QDPR: variants seen among roughly 807,000 people sequenced by gnomAD.
The protein encoded by QDPR is dihydropteridine reductase.
A neutral mutation model predicts 31.7 loss-of-function variants in QDPR; 23 were observed. That is an observed-to-expected ratio of 0.73 (90% CI 0.52 to 1.03). The LOEUF is 1.03. Ranked by LOEUF, QDPR falls within the 50% of genes least tolerant of loss-of-function variation. The probability of loss-of-function intolerance (pLI) is 0.00; values close to 1 mark genes in which losing one functional copy is unlikely to be tolerated. For missense variants in QDPR, 324 were observed against 323.8 expected (o/e 1.00, Z 0.00); for synonymous variants, 124 against 124.7 (o/e 0.99, Z 0.03).
chr4:17,511,838 CAG>C, intron 1 of QDPR, 110 bp downstream of exon 1: 4 of 1,066,014 alleles, frequency 3.8e-6, no homozygotes, highest in Non-Finnish European at 5.5e-6. Context: ...CAACACGAGT[CAG>C]GGGGTGCACA....
At chr4:17,510,205 C>G (rs926685703) in intron 1 of QDPR, among the ~76,000 whole-genome samples, 1 of 152,208 alleles carries the variant, frequency 6.6e-6, no homozygotes, top group Non-Finnish European at 1.5e-5. Context: ...GGATCCCTGT[C>G]CTGCAGCAGA....
At position 17,509,084 on chromosome 4, in the gene QDPR, G is replaced by A. The variant is rs34311884; in HGVS notation, c.198+187C>T. The stretch of plus-strand genomic sequence containing the variant: ...GAGGCAGGAGAATTGCTTCAACCCA[G>A]GAGGCAAAGGTTGCAGTGAACGGAG... On this transcript the variant is annotated intron_variant, in intron 2 of 6. Coordinates refer to ENST00000281243, the MANE Select transcript of QDPR (RefSeq NM_000320.3). 0.12 allele frequency among the ~76,000 whole-genome samples: 18,636 copies of A among 152,118 alleles called. 1,268 individuals are homozygous for A. The highest frequency in any genetic ancestry group is 0.16 in the African/African-American group (6,573 of 41,474).
intron 4 of QDPR, among the ~76,000 whole-genome samples, chr4:17,495,058 GGGT>G (rs1214587292): frequency 6.6e-6 from 1 of 152,144 alleles, no homozygotes; most frequent in African/African-American, 2.4e-5. Flanking sequence ...GGCAGGGAGG[GGGT>G]GATGCTTCTC....
Position 17,511,971 on chromosome 4 carries a change from C to G in QDPR, c.84G>C (p.Gln28His). Residue 28 changes from glutamine (Q) to histidine (H), a missense_variant, in exon 1 of 7, where the codon CAG (glutamine) becomes CAC (histidine). By Grantham distance (24) the Gln-to-His change is conservative. Coordinates refer to ENST00000281243, the MANE Select transcript of QDPR (RefSeq NM_000320.3). ...GRGALGSRCV[Q>H]AFRARNWWVA... ...TTACCCAGTTGCGGGCCCGAAAAGC[C>G]TGCACGCATCGAGAACCCAGAGCGC... is the stretch of plus-strand genomic sequence containing the variant. 1 of 1,611,322 alleles carries G rather than the reference C, an allele frequency of 6.2e-7. No homozygotes were observed. Among genetic ancestry groups the G allele is most frequent in the Non-Finnish European group, 8.5e-7 (1 of 1,179,332 alleles).
intron 4 of QDPR, among the ~76,000 whole-genome samples, chr4:17,497,998 G>C (rs1483240964): frequency 2.0e-5 from 3 of 152,182 alleles, no homozygotes; most frequent in Non-Finnish European, 4.4e-5. Context: ...GGCAGGAATG[G>C]AGTCTTTCCT....
chr4:17,492,246 G>C lies in QDPR; in HGVS notation c.531C>G (p.Ala177=). 1 of 1,613,954 alleles carries C rather than the reference G, an allele frequency of 6.2e-7. No homozygotes were observed. The highest frequency in any genetic ancestry group is 8.5e-7 in the Non-Finnish European group (1 of 1,179,950). The change falls in exon 5 of 7, where the codon GCC becomes GCG. Residue 177 remains alanine (A), a synonymous_variant. Coordinates refer to ENST00000281243, the MANE Select transcript of QDPR (RefSeq NM_000320.3). The stretch of plus-strand genomic sequence containing the variant: ...CAAGCACTTACGGGAGCACAGCGAT[G>C]GCGGCTGCCCCGGGCGGCATGCCGC... ...KNSGMPPGAA[A]IAVLPVTLDT... is the part of the protein sequence containing the mutation.
At chr4:17,492,051 G>A (rs762921225) in intron 5 of QDPR, among the ~76,000 whole-genome samples, 181 bp downstream of exon 5, 1 of 152,200 alleles carries the variant, frequency 6.6e-6, no homozygotes, top group Non-Finnish European at 1.5e-5. Context: ...CCAGTCTAAG[G>A]TATTTTGTTA....
rs916760350 is a variant in QDPR at position 17,500,046 on chromosome 4, C to T, written c.436+1673G>A. On this transcript the variant is annotated intron_variant, in intron 4 of 6. Coordinates refer to ENST00000281243, the MANE Select transcript of QDPR (RefSeq NM_000320.3). The stretch of plus-strand genomic sequence containing the variant: ...TTGCCCAGGCTGGAGTGCAGTGGCG[C>T]GATCTCGGCTCACTGCAAGCTCCAC... 3.3e-5 allele frequency among the ~76,000 whole-genome samples: 5 copies of T among 151,694 alleles called. No homozygotes were observed. In the South Asian group the frequency reaches 6.2e-4, roughly 19 times the overall value.
chr4:17,512,041 G>A lies in QDPR; in HGVS notation c.14C>T (p.Ala5Val). Residue 5 changes from alanine (A) to valine (V), a missense_variant, in exon 1 of 7, where the codon GCG (alanine) becomes GTG (valine). By Grantham distance (64) the Ala-to-Val change is moderately conservative. Coordinates refer to ENST00000281243, the MANE Select transcript of QDPR (RefSeq NM_000320.3). ...CACCCGGCGCGCCTCGCCTGCAGCC[G>A]CCGCCGCCGCCATCCTGCTCCTGCC... The part of the protein sequence containing the change: MAAA[A>V]AAGEARRVLV... The A allele has an allele frequency of 6.2e-7, 1 of 1,601,022 alleles. No individual in the cohort carries two copies. The highest frequency in any genetic ancestry group is 8.5e-7 in the Non-Finnish European group (1 of 1,175,278).
intron 2 of QDPR, among the ~76,000 whole-genome samples, chr4:17,508,441 C>CA (rs1718866830): frequency 6.6e-6 from 1 of 151,886 alleles, no homozygotes; most frequent in African/African-American, 2.4e-5. Flanking sequence ...TCTCTTAAAA[C>CA]AAAAAACAAT....
rs747311750 is a variant in QDPR, at chr4:17,496,442, C to CAAAAAAAAAAAAAAAAAA, written c.437-4120_437-4103dup. ...CTGGGCAATAAGGGCAAAACTGTCTCAAAAAAAAAAAAAAAAAAAAAAAAA... is the reference window on the plus strand; with the variant it reads ...CTGGGCAATAAGGGCAAAACTGTCTCAAAAAAAAAAAAAAAAAAAAAAAAAAAAAAAAAAAAAAAAAAA... On this transcript the variant is annotated intron_variant, in intron 4 of 6. Coordinates refer to ENST00000281243, the MANE Select transcript of QDPR (RefSeq NM_000320.3). Among the ~76,000 whole-genome samples, 30 of 64,618 alleles carry CAAAAAAAAAAAAAAAAAA rather than the reference C, an allele frequency of 4.6e-4. 3 individuals are homozygous for CAAAAAAAAAAAAAAAAAA. The highest frequency in any genetic ancestry group is 5.9e-4 in the Non-Finnish European group (21 of 35,374). 42.4% of individuals were successfully genotyped at this position (64,618 alleles called of 152,430 possible).
intron 1 of QDPR, among the ~76,000 whole-genome samples, chr4:17,510,454 C>G (rs188976436): frequency 6.6e-6 from 1 of 152,292 alleles, no homozygotes; most frequent in East Asian, 1.9e-4. Context: ...ATAATTATCT[C>G]TACCTTAAGC....
At chr4:17,494,966 G>A (rs1320700463) in intron 4 of QDPR, among the ~76,000 whole-genome samples, 3 of 152,310 alleles carry the variant, frequency 2.0e-5, no homozygotes, top group South Asian at 4.1e-4. Flanking sequence ...CACAGAACCC[G>A]ATCAGGGCGG....
At chr4:17,505,243 C>CTTTTTT (rs1230268105) in intron 2 of QDPR, among the ~76,000 whole-genome samples, 73 of 103,200 alleles carry the variant, frequency 7.1e-4, no homozygotes, top group Admixed American at 7.6e-4. Context: ...CTTAAGATTT[C>CTTTTTT]TTTTTTTTTT....
chr4:17,501,568 G>T (rs1321081187), intron 4 of QDPR, 151 bp downstream of exon 4: 11 of 916,520 alleles, frequency 1.2e-5, no homozygotes, highest in Admixed American at 4.3e-5. Context: ...TCCCTAAAAT[G>T]ATTCAGGCCC....
chr4:17,489,883 C>T (rs1718096783), intron 6 of QDPR, among the ~76,000 whole-genome samples: 1 of 152,330 alleles, frequency 6.6e-6, no homozygotes, highest in South Asian at 2.1e-4. Flanking sequence ...CACAGAGGCA[C>T]TACTGGGTCA....
intron 4 of QDPR, among the ~76,000 whole-genome samples, chr4:17,499,583 T>C (rs1250891995): frequency 6.6e-6 from 1 of 152,180 alleles, no homozygotes; most frequent in East Asian, 1.9e-4. Context: ...AGAGGGAAGG[T>C]ATTGCTAGTA....
intron 4 of QDPR, 45 bp downstream of exon 4, chr4:17,501,674 C>T (rs1232542865): frequency 6.2e-7 from 1 of 1,610,286 alleles, no homozygotes; most frequent in South Asian, 1.1e-5. Flanking sequence ...CCCCAGCAAG[C>T]AAGGTAAGCA....
chr4:17,511,874 T>C, intron 1 of QDPR, 76 bp downstream of exon 1: 2 of 1,434,778 alleles, frequency 1.4e-6, no homozygotes, highest in Admixed American at 2.3e-5. Context: ...TCCTCTAGAC[T>C]GCCCCCCGCC....
Sources: allele counts gnomAD v4.1 joint callset (sites outside exome capture counted in the v4.1 genomes callset), GRCh38; gene constraint gnomAD v4.1.1; transcripts MANE v1.5; gene names NCBI Gene and HGNC (gene_info 2026-07-23, HGNC 2026-07-21).